LATS2: variants seen among roughly 807,000 people sequenced by gnomAD.
LATS2 encodes the protein large tumor suppressor kinase 2, also known as serine/threonine-protein kinase LATS2.
Under a neutral mutation model 76.0 loss-of-function variants are expected in LATS2, and 24 were observed. That is an observed-to-expected ratio of 0.32 (90% CI 0.23 to 0.44). The LOEUF (loss-of-function observed/expected upper bound fraction) is 0.44, where lower values mean the gene tolerates loss of function less well. LATS2 is among the 20% of genes least tolerant of loss of function. LATS2 has a pLI of 1.00. For missense variants in LATS2, 1,286 were observed against 1,481.2 expected (o/e 0.87, Z 2.16); for synonymous variants, 692 against 635.4 (o/e 1.09, Z -1.34).
intron 2 of LATS2, among the ~76,000 whole-genome samples, chr13:21,027,291 A>G (rs1344183799): frequency 1.3e-5 from 2 of 152,140 alleles, no homozygotes; most frequent in African/African-American, 2.4e-5. Flanking sequence ...GCCTTTCTCA[A>G]GGTTGCAAGA....
chr13:21,040,376 CAAAAA>C (rs141897751), intron 2 of LATS2, among the ~76,000 whole-genome samples: 1 of 108,768 alleles, frequency 9.2e-6, no homozygotes, highest in African/African-American at 3.6e-5. Context: ...GACCTTGTCT[CAAAAA>C]AAAAAAAAAA....
Position 21,029,398 on chromosome 13 carries a change from A to T in LATS2, c.342+16287T>A, listed in dbSNP as rs535925831. On this transcript the variant is annotated intron_variant, in intron 2 of 7. Transcript: ENST00000382592. The stretch of plus-strand genomic sequence containing the variant: ...GATTTTCTAATGTTTAACCTTGTAT[A>T]TCTGGGATATATCCCAGTTGATCCT... Among the ~76,000 whole-genome samples, 6 of 152,358 alleles carry T rather than the reference A, an allele frequency of 3.9e-5. No homozygotes were observed. The South Asian group carries it at 1.2e-3, about 32-fold the overall frequency.
At chr13:20,989,582 G>A (rs1393903917) in intron 3 of LATS2, among the ~76,000 whole-genome samples, 5 of 152,182 alleles carry the variant, frequency 3.3e-5, no homozygotes, top group Admixed American at 3.3e-4. Flanking sequence ...ATCCCGAGGT[G>A]CGTCCCTGCC....
At chr13:20,987,772 T>G (rs1465615651) in intron 4 of LATS2, 109 bp downstream of exon 4, 5 of 1,301,398 alleles carry the variant, frequency 3.8e-6, no homozygotes, top group African/African-American at 1.5e-5. Flanking sequence ...ATTAGCCGTT[T>G]TGATGATAAG....
chr13:20,993,237 CTG>C (rs1165175462), intron 2 of LATS2, among the ~76,000 whole-genome samples: 3 of 152,138 alleles, frequency 2.0e-5, no homozygotes, highest in Non-Finnish European at 4.4e-5. Context: ...TCGCACTCAG[CTG>C]TGTGTCTGTG....
At chr13:21,050,135 G>C (rs9509505) in intron 1 of LATS2, among the ~76,000 whole-genome samples, 310 of 18,822 alleles carry the variant, frequency 0.016, 2 homozygotes, top group Middle Eastern at 0.056. Flanking sequence ...CAGATAGATA[G>C]ATAGATAGAT....
In LATS2 at chr13:20,973,670, C is replaced by T; in HGVS notation, c.*1200G>A. The T allele has an allele frequency of 4.3e-6, 1 of 230,712 alleles. No individual in the cohort carries two copies. Among genetic ancestry groups the T allele is most frequent in the East Asian group, 6.2e-5 (1 of 16,076 alleles). 14.3% of individuals were successfully genotyped at this position (230,712 alleles called of 1,614,324 possible). The stretch of plus-strand genomic sequence containing the variant: ...GTTTAAACCAAGTTAAGATTTGATA[C>T]TTCAAAGTACACTAAAAGAACAAAA... On this transcript the variant is annotated 3_prime_UTR_variant, in exon 8 of 8. Coordinates refer to ENST00000382592, the MANE Select transcript of LATS2 (RefSeq NM_014572.3).
chr13:20,979,675 G>A lies in LATS2; in HGVS notation c.2772+16C>T, dbSNP rs972307883. On this transcript the variant is annotated intron_variant, in intron 7 of 7. Transcript: ENST00000382592. ...GATGTCTACAGCAAGCAGATGCGTGGTTCCTCTCACATTACCTTCAGCTGG... is the reference window on the plus strand; with the variant it reads ...GATGTCTACAGCAAGCAGATGCGTGATTCCTCTCACATTACCTTCAGCTGG... 8 of 1,463,528 alleles carry A rather than the reference G, an allele frequency of 5.5e-6. No homozygotes were observed. The African/African-American group carries it at 9.7e-5, about 18-fold the overall frequency. The allele number at this position is 1,463,528 out of a possible 1,614,324, so 90.7% of individuals were successfully genotyped here. A position where few individuals can be genotyped will look rare whatever the true frequency, so the allele number is the denominator to read the frequency against.
At chr13:21,019,840 G>C (rs61950275) in intron 2 of LATS2, among the ~76,000 whole-genome samples, 37,423 of 150,810 alleles carry the variant, frequency 0.25, 4,952 homozygotes, top group African/African-American at 0.32. Flanking sequence ...TGGGGGTGGT[G>C]GTGCACTCCT....
chr13:21,048,129 C>T (rs1384897654), intron 1 of LATS2, among the ~76,000 whole-genome samples: 2 of 152,202 alleles, frequency 1.3e-5, no homozygotes, highest in African/African-American at 4.8e-5. Flanking sequence ...GGGCATATTG[C>T]AGCCACACTC....
chr13:21,010,479 G>A (rs1871548298), intron 2 of LATS2, among the ~76,000 whole-genome samples: 2 of 152,006 alleles, frequency 1.3e-5, no homozygotes, highest in East Asian at 1.9e-4. Context: ...CAAACATGAA[G>A]AGCCAAGAGT....
intron 1 of LATS2, among the ~76,000 whole-genome samples, chr13:21,053,432 GCAC>G (rs1335746593): frequency 2.6e-4 from 40 of 151,938 alleles, no homozygotes; most frequent in African/African-American, 9.7e-4. Flanking sequence ...GAATCTGATA[GCAC>G]CACGAGGGCA....
chr13:20,990,474 TTTTTTTTTTTTTTA>T (rs1381467086), intron 3 of LATS2, among the ~76,000 whole-genome samples: 4 of 139,660 alleles, frequency 2.9e-5, no homozygotes, highest in Non-Finnish European at 6.2e-5. Context: ...TTTTTTTTTT[TTTTTTTTTTTTTTA>T]AATACAGACG....
intron 7 of LATS2, among the ~76,000 whole-genome samples, chr13:20,976,429 TA>T (rs1869627931): frequency 6.6e-6 from 1 of 152,076 alleles, no homozygotes; most frequent in Admixed American, 6.6e-5. Context: ...GCACAGGGAA[TA>T]AAAGAAAAAA....
At chr13:21,056,064 G>C (rs1041641002) in intron 1 of LATS2, among the ~76,000 whole-genome samples, 2 of 152,174 alleles carry the variant, frequency 1.3e-5, no homozygotes, top group African/African-American at 4.8e-5. Flanking sequence ...AGGCCTCAGA[G>C]AATTTGGCAT....
At chr13:21,009,286 A>G (rs1439248958) in intron 2 of LATS2, among the ~76,000 whole-genome samples, 1 of 152,232 alleles carries the variant, frequency 6.6e-6, no homozygotes, top group Non-Finnish European at 1.5e-5. Flanking sequence ...CATGCTGCAC[A>G]TTCAACCCGG....
In LATS2 at chr13:20,991,888, G is replaced by GTT. The variant is rs1488213831; in HGVS notation, c.343-486_343-485dup. On this transcript the variant is annotated intron_variant, in intron 2 of 7. Transcript: ENST00000382592. This position sits in a 1 kb window ranked among gnomAD's most constrained non-coding sequence, Gnocchi z 4.9. ...AAGAGTCATATATTACACGCCTACT[G>GTT]TTTACAATGCCCCATGCTGGCTATA... Among the ~76,000 whole-genome samples, 1 of 152,198 alleles carries GTT rather than the reference G, an allele frequency of 6.6e-6. No individual in the cohort carries two copies. Among genetic ancestry groups the GTT allele is most frequent in the Non-Finnish European group, 1.5e-5 (1 of 68,034 alleles).
chr13:21,005,400 G>T (rs1269900672), intron 2 of LATS2: 1 of 152,242 alleles, frequency 6.6e-6, no homozygotes, highest in African/African-American at 2.4e-5. Context: ...TGCTGGCCAG[G>T]GCTACACTGA....
intron 2 of LATS2, among the ~76,000 whole-genome samples, chr13:21,001,282 G>A (rs1214447468): frequency 6.6e-6 from 1 of 152,168 alleles, no homozygotes; most frequent in African/African-American, 2.4e-5. Context: ...CACACACATG[G>A]CATGGTTTCA....
Sources: allele counts gnomAD v4.1 joint callset (sites outside exome capture counted in the v4.1 genomes callset), GRCh38; gene constraint gnomAD v4.1.1; non-coding constraint Gnocchi (gnomAD v3.1); transcripts MANE v1.5; gene names NCBI Gene and HGNC (gene_info 2026-07-23, HGNC 2026-07-21).